Variants in MIPOL1 observed in about 807,000 individuals in gnomAD.
MIPOL1 encodes the protein mirror-image polydactyly 1, also known as mirror-image polydactyly gene 1 protein.
In MIPOL1, 57 loss-of-function variants were observed where a neutral mutation model predicts 60.9. The observed-to-expected ratio is 0.94, with a 90% CI of 0.76 to 1.17. The LOEUF (loss-of-function observed/expected upper bound fraction) is 1.17, where lower values mean the gene tolerates loss of function less well. Among genes scored for constraint, MIPOL1 ranks in the 50% most tolerant of loss-of-function variants. MIPOL1 has a pLI of 0.00. For missense variants in MIPOL1, 551 were observed against 511.6 expected (o/e 1.08, Z -0.74); for synonymous variants, 179 against 168.8 (o/e 1.06, Z -0.47).
chr14:37,251,877 T>G (rs1974167583), intron 3 of MIPOL1, among the ~76,000 whole-genome samples: 1 of 151,994 alleles, frequency 6.6e-6, no homozygotes, highest in South Asian at 2.1e-4. Context: ...ATACTTGCAA[T>G]TTTGTAGGTA....
At chr14:37,444,035 A>G (rs1341883478) in intron 11 of MIPOL1, among the ~76,000 whole-genome samples, 2 of 152,156 alleles carry the variant, frequency 1.3e-5, no homozygotes, top group Admixed American at 6.6e-5. Context: ...TATGATTTCT[A>G]TGTAAGATCA....
At chr14:37,245,626 T>C (rs1973079469) in intron 1 of MIPOL1, among the ~76,000 whole-genome samples, 1 of 152,142 alleles carries the variant, frequency 6.6e-6, no homozygotes. Flanking sequence ...TATTACTCTC[T>C]TCGTCTCCAA....
chr14:37,351,052 TC>T (rs1339072654), intron 9 of MIPOL1, among the ~76,000 whole-genome samples: 2 of 20,044 alleles, frequency 1.0e-4, no homozygotes, highest in Admixed American at 6.4e-4. Flanking sequence ...ATGCTATCCC[TC>T]CCCCCTCCCC....
intron 1 of MIPOL1, among the ~76,000 whole-genome samples, chr14:37,234,474 A>G (rs1397416745): frequency 6.6e-6 from 1 of 151,066 alleles, no homozygotes; most frequent in Non-Finnish European, 1.5e-5. Flanking sequence ...TACAGGCATG[A>G]GCCACCATGC....
chr14:37,508,815 G>A (rs1183087039), intron 12 of MIPOL1, among the ~76,000 whole-genome samples: 3 of 152,022 alleles, frequency 2.0e-5, no homozygotes, highest in African/African-American at 7.2e-5. Flanking sequence ...CTCTGCTCAC[G>A]TAATATTATT....
At chr14:37,508,560 G>T (rs1047758333) in intron 12 of MIPOL1, among the ~76,000 whole-genome samples, 1 of 152,090 alleles carries the variant, frequency 6.6e-6, no homozygotes, top group African/African-American at 2.4e-5. Flanking sequence ...AAAATCTCAA[G>T]CTTTGAATTC....
At chr14:37,538,943 C>G (rs1465310800) in intron 12 of MIPOL1, among the ~76,000 whole-genome samples, 3 of 151,896 alleles carry the variant, frequency 2.0e-5, no homozygotes, top group Non-Finnish European at 4.4e-5. Context: ...TGGCTCACAC[C>G]TGTAATCCCA....
chr14:37,244,872 G>A (rs550063534), intron 1 of MIPOL1, among the ~76,000 whole-genome samples: 21 of 152,142 alleles, frequency 1.4e-4, no homozygotes, highest in South Asian at 6.2e-4. Flanking sequence ...TAAATATGTT[G>A]CATCTTTACA....
At chr14:37,532,047 C>A (rs148644429) in intron 12 of MIPOL1, among the ~76,000 whole-genome samples, 78 of 152,212 alleles carry the variant, frequency 5.1e-4, no homozygotes, top group African/African-American at 1.7e-3. Flanking sequence ...AGTAAATTGA[C>A]AAAGTGTCTT....
chr14:37,434,985 G>T (rs1235948381), intron 11 of MIPOL1, among the ~76,000 whole-genome samples: 1 of 152,004 alleles, frequency 6.6e-6, no homozygotes, highest in African/African-American at 2.4e-5. Flanking sequence ...ATTGACTAGG[G>T]CCAGGTAAAA....
At chr14:37,264,485 T>A (rs932420076) in intron 3 of MIPOL1, among the ~76,000 whole-genome samples, 1 of 150,510 alleles carries the variant, frequency 6.6e-6, no homozygotes, top group African/African-American at 2.4e-5. Flanking sequence ...TAGTGAGGCA[T>A]GGCAACACAG....
chr14:37,314,923 A>G (rs374271963), intron 9 of MIPOL1, among the ~76,000 whole-genome samples: 19 of 152,190 alleles, frequency 1.2e-4, no homozygotes, highest in African/African-American at 4.1e-4. Flanking sequence ...AGTACCTGTT[A>G]TGTGCTGTGT....
chr14:37,294,423 C>T (rs912825434), intron 7 of MIPOL1, among the ~76,000 whole-genome samples: 1 of 152,192 alleles, frequency 6.6e-6, no homozygotes, highest in Non-Finnish European at 1.5e-5. Context: ...CAAAGGAACG[C>T]AGCTCCTCAC....
chr14:37,274,420 CATT>C (rs1410220290), intron 6 of MIPOL1, among the ~76,000 whole-genome samples: 1 of 151,388 alleles, frequency 6.6e-6, no homozygotes, highest in East Asian at 1.9e-4. Flanking sequence ...TTGTCACCAT[CATT>C]GATACTGTTT....
At chr14:37,412,607 A>G (rs888265426) in intron 10 of MIPOL1, among the ~76,000 whole-genome samples, 1 of 152,116 alleles carries the variant, frequency 6.6e-6, no homozygotes, top group East Asian at 1.9e-4. Flanking sequence ...AATAACAGGC[A>G]CAACTGATCT....
intron 11 of MIPOL1, among the ~76,000 whole-genome samples, chr14:37,479,602 A>G (rs1201867203): frequency 6.6e-6 from 1 of 152,170 alleles, no homozygotes; most frequent in Admixed American, 6.5e-5. Flanking sequence ...CATATTTCAA[A>G]TAAGTAACAA....
At chr14:37,415,739 C>A (rs1213914081) in intron 10 of MIPOL1, among the ~76,000 whole-genome samples, 17 of 151,940 alleles carry the variant, frequency 1.1e-4, no homozygotes, top group Admixed American at 1.1e-3. Flanking sequence ...TGAGTTCAAA[C>A]CCTTGCTCCA....
intron 1 of MIPOL1, among the ~76,000 whole-genome samples, chr14:37,233,758 C>G (rs1287379542): frequency 1.3e-5 from 2 of 152,158 alleles, no homozygotes; most frequent in African/African-American, 2.4e-5. Context: ...TCTGGTGAAG[C>G]TTTTCTAGGC....
intron 10 of MIPOL1, among the ~76,000 whole-genome samples, chr14:37,413,812 C>G (rs962070359): frequency 2.0e-5 from 3 of 152,122 alleles, no homozygotes; most frequent in Non-Finnish European, 2.9e-5. Context: ...GTTTAAAAGG[C>G]TTTTTTACTA....
Sources: gnomAD v4.1 joint callset for allele counts (sites outside exome capture counted in the v4.1 genomes callset) on GRCh38, gnomAD v4.1.1 for gene constraint, MANE v1.5 for transcripts, NCBI Gene and HGNC (gene_info 2026-07-23, HGNC 2026-07-21) for gene names.